RGPD5: variants seen among roughly 807,000 people sequenced by gnomAD.
RGPD5 encodes RANBP2-like and GRIP domain-containing protein 5/6.
intron 1 of RGPD5, chr2:109,794,769 G>C (rs1437271092): frequency 4.0e-6 from 1 of 247,214 alleles, no homozygotes; most frequent in Middle Eastern, 1.9e-3. Flanking sequence ...GGACCGCGGC[G>C]GGCGGGAGAC....
chr2:109,794,610 G>GCGGCTGCGGCCTCGGCCCCGGCCCGGCC (rs1481533589), intron 1 of RGPD5, 73 bp downstream of exon 1: 1 of 189,728 alleles, frequency 5.3e-6, no homozygotes, highest in African/African-American at 3.7e-5. Flanking sequence ...GGCGGCGGCG[G>GCGGCTGCGGCCTCGGCCCCGGCCCGGCC]GGGGGGCGGC....
the RGPD5 span, among the ~76,000 whole-genome samples, chr2:109,777,686 G>A: frequency 7.9e-6 from 1 of 126,266 alleles, no homozygotes; most frequent in African/African-American, 2.9e-5. Context: ...AGAGATTTGA[G>A]TACTTGAGTA....
chr2:109,774,550 A>AT, the RGPD5 span, among the ~76,000 whole-genome samples: 10 of 98,940 alleles, frequency 1.0e-4, 1 homozygote, highest in South Asian at 6.7e-4. Context: ...AAATATATAT[A>AT]ATATATATAT....
the RGPD5 span, among the ~76,000 whole-genome samples, chr2:109,761,357 C>T: frequency 6.6e-6 from 1 of 151,168 alleles, no homozygotes; most frequent in Non-Finnish European, 1.5e-5. Context: ...GGCCTTAGCC[C>T]AGGGAGACTC....
chr2:109,774,538 TAAAA>T, the RGPD5 span, among the ~76,000 whole-genome samples: 1 of 95,228 alleles, frequency 1.1e-5, no homozygotes. Context: ...ATATTATATA[TAAAA>T]TATATATAAT....
the RGPD5 span, among the ~76,000 whole-genome samples, chr2:109,766,211 G>A: frequency 6.6e-6 from 1 of 151,304 alleles, no homozygotes; most frequent in Non-Finnish European, 1.5e-5. Context: ...AGCCTTCTCA[G>A]AAGAGTGGCT....
chr2:109,765,722 C>T, the RGPD5 span, among the ~76,000 whole-genome samples: 1 of 150,166 alleles, frequency 6.7e-6, no homozygotes, highest in East Asian at 2.0e-4. Context: ...TAGGCTAACA[C>T]AGGCAGGGAG....
chr2:109,760,749 G>T, the RGPD5 span, among the ~76,000 whole-genome samples: 2 of 144,462 alleles, frequency 1.4e-5, no homozygotes, highest in Admixed American at 7.1e-5. Flanking sequence ...CCTGCTCCAG[G>T]AATGGGACCT....
At chr2:109,794,596 CGG>C (rs757942656) in intron 1 of RGPD5, 59 bp downstream of exon 1, 3 of 903,066 alleles carry the variant, frequency 3.3e-6, no homozygotes, top group African/African-American at 4.2e-5. Context: ...GCGGCGGCGG[CGG>C]CGGCGGCGGC....
the RGPD5 span, among the ~76,000 whole-genome samples, chr2:109,771,206 C>A: frequency 5.7e-5 from 1 of 17,510 alleles, no homozygotes; most frequent in Non-Finnish European, 9.2e-5. Context: ...CCACACTACT[C>A]CAACTCACAT....
the RGPD5 span, among the ~76,000 whole-genome samples, chr2:109,776,111 AG>A: frequency 6.9e-6 from 1 of 144,304 alleles, no homozygotes; most frequent in Non-Finnish European, 1.5e-5. Context: ...GGAACTTATC[AG>A]GAGCCCCCAG....
chr2:109,778,107 CAA>C, the RGPD5 span, among the ~76,000 whole-genome samples: 1 of 134,048 alleles, frequency 7.5e-6, no homozygotes, highest in Admixed American at 8.2e-5. Flanking sequence ...AGATGAAAAG[CAA>C]AACAAGCAAA....
At chr2:109,772,835 A>G in the RGPD5 span, among the ~76,000 whole-genome samples, 2 of 142,788 alleles carry the variant, frequency 1.4e-5, no homozygotes, top group African/African-American at 2.7e-5. Context: ...GTGAGGATGG[A>G]GAGGAGGAGA....
At chr2:109,770,724 G>A in the RGPD5 span, among the ~76,000 whole-genome samples, 1 of 12,742 alleles carries the variant, frequency 7.8e-5, no homozygotes, top group South Asian at 3.5e-3. Flanking sequence ...GATTAGCACC[G>A]GCATTATATT....
the RGPD5 span, among the ~76,000 whole-genome samples, chr2:109,766,190 C>T: frequency 7.2e-4 from 109 of 151,258 alleles, no homozygotes; most frequent in South Asian, 0.013. Context: ...TCGGCAGGTA[C>T]GAGGAGGCAA....
At chr2:109,765,521 A>C in the RGPD5 span, among the ~76,000 whole-genome samples, 5 of 150,448 alleles carry the variant, frequency 3.3e-5, no homozygotes, top group African/African-American at 1.2e-4. Context: ...CTGCAATCCA[A>C]GGCTGACACT....
the RGPD5 span, among the ~76,000 whole-genome samples, chr2:109,777,085 ATAG>A: frequency 8.4e-4 from 76 of 90,326 alleles, no homozygotes; most frequent in South Asian, 2.0e-3. Flanking sequence ...AGAATGTTAA[ATAG>A]TAGTGGAGTG....
the RGPD5 span, among the ~76,000 whole-genome samples, chr2:109,764,368 A>T: frequency 2.1e-5 from 3 of 146,044 alleles, 1 homozygote; most frequent in African/African-American, 7.6e-5. Context: ...TAGGTGCTAG[A>T]CATATAAGCC....
At chr2:109,777,312 T>C in the RGPD5 span, among the ~76,000 whole-genome samples, 7 of 148,526 alleles carry the variant, frequency 4.7e-5, 1 homozygote, top group African/African-American at 1.7e-4. Context: ...ATATGGGTTT[T>C]AATCTATTAA....
Sources: allele counts gnomAD v4.1 joint callset (sites outside exome capture counted in the v4.1 genomes callset), GRCh38; gene constraint gnomAD v4.1.1; transcripts MANE v1.5; gene names NCBI Gene and HGNC (gene_info 2026-07-23, HGNC 2026-07-21).